LPP: variants seen among roughly 807,000 people sequenced by gnomAD.
LPP encodes LIM domain containing preferred translocation partner in lipoma, also known as lipoma-preferred partner.
LPP carries 38 observed loss-of-function variants against 60.4 expected under a neutral mutation model. The ratio of observed to expected loss-of-function variants is 0.63; its 90% CI spans 0.49 to 0.83. The LOEUF (loss-of-function observed/expected upper bound fraction) is 0.83. LPP is among the 40% of genes least tolerant of loss of function. LPP has a pLI of 0.00. For missense variants in LPP, 902 were observed against 783.6 expected (o/e 1.15, Z -1.80); for synonymous variants, 328 against 290.8 (o/e 1.13, Z -1.30).
intron 6 of LPP, among the ~76,000 whole-genome samples, chr3:188,525,339 C>T (rs796995309): frequency 2.0e-5 from 3 of 152,250 alleles, no homozygotes; most frequent in African/African-American, 7.2e-5. Context: ...ATGTATTAGT[C>T]AACTGGCAGA....
intron 3 of LPP, among the ~76,000 whole-genome samples, chr3:188,379,342 T>G (rs1286334264): frequency 6.6e-6 from 1 of 152,172 alleles, no homozygotes; most frequent in Non-Finnish European, 1.5e-5. Context: ...AATCAATTCT[T>G]ACAACTTTCG....
At chr3:188,256,772 AT>A (rs1731813061) in intron 2 of LPP, among the ~76,000 whole-genome samples, 1 of 152,212 alleles carries the variant, frequency 6.6e-6, no homozygotes, top group South Asian at 2.1e-4. Context: ...CTTACTATTG[AT>A]TTTAACATTC....
chr3:188,213,826 G>T (rs754508328), intron 1 of LPP, among the ~76,000 whole-genome samples: 4 of 152,054 alleles, frequency 2.6e-5, no homozygotes, highest in Non-Finnish European at 5.9e-5. Context: ...CCATGGAAGT[G>T]AAAATTATGC....
chr3:188,736,803 T>C (rs1262440013), intron 8 of LPP, among the ~76,000 whole-genome samples: 1 of 151,938 alleles, frequency 6.6e-6, no homozygotes, highest in Non-Finnish European at 1.5e-5. Flanking sequence ...TAAAGAAATA[T>C]ATATTTGAAC....
chr3:188,501,777 C>T (rs1457499974), intron 5 of LPP, among the ~76,000 whole-genome samples: 4 of 151,318 alleles, frequency 2.6e-5, no homozygotes, highest in South Asian at 2.1e-4. Flanking sequence ...ATTAGCCGGG[C>T]GTGGTGGTGG....
intron 9 of LPP, among the ~76,000 whole-genome samples, chr3:188,847,969 A>C (rs796792590): frequency 5.3e-5 from 8 of 152,212 alleles, no homozygotes; most frequent in Non-Finnish European, 1.2e-4. Flanking sequence ...CTGGGGAACC[A>C]AATTAAGGAG....
intron 8 of LPP, among the ~76,000 whole-genome samples, chr3:188,740,246 G>A (rs2150158887): frequency 6.6e-6 from 1 of 152,144 alleles, no homozygotes; most frequent in Non-Finnish European, 1.5e-5. Flanking sequence ...TGCCTAATGG[G>A]CTGTGAACTT....
chr3:188,527,636 T>C (rs558687665), intron 6 of LPP, among the ~76,000 whole-genome samples: 1 of 152,296 alleles, frequency 6.6e-6, no homozygotes, highest in East Asian at 1.9e-4. Flanking sequence ...GCAATTTTTT[T>C]TGATTCCACC....
chr3:188,870,828 GC>G (rs1392621073), intron 10 of LPP, among the ~76,000 whole-genome samples: 1 of 152,134 alleles, frequency 6.6e-6, no homozygotes, highest in Non-Finnish European at 1.5e-5. Context: ...TGGAAATGAG[GC>G]CAATTGGTAG....
chr3:188,818,234 C>CT (rs570926174), intron 9 of LPP, among the ~76,000 whole-genome samples: 1 of 152,060 alleles, frequency 6.6e-6, no homozygotes, highest in African/African-American at 2.4e-5. Flanking sequence ...ATTAATCCTC[C>CT]TTTTTTTCCC....
chr3:188,655,135 G>A (rs2149025653), intron 7 of LPP, among the ~76,000 whole-genome samples: 1 of 152,224 alleles, frequency 6.6e-6, no homozygotes, highest in Admixed American at 6.5e-5. Context: ...GTTTTGTTTT[G>A]CAATACAGGG....
chr3:188,446,211 A>C (rs1346706867), intron 4 of LPP, among the ~76,000 whole-genome samples: 2 of 152,192 alleles, frequency 1.3e-5, no homozygotes, highest in Non-Finnish European at 2.9e-5. Flanking sequence ...GGTGTTGTCC[A>C]TCATTTTAAG....
intron 4 of LPP, among the ~76,000 whole-genome samples, chr3:188,419,161 T>C (rs1050410156): frequency 1.3e-5 from 2 of 152,174 alleles, no homozygotes. Context: ...TTTCACTGTT[T>C]TATATCTTGA....
rs1189572029 is a variant in LPP at position 188,889,573 on chromosome 3, T to C, written c.*15094T>C. On this transcript the variant is annotated 3_prime_UTR_variant, in exon 12 of 12. Transcript: ENST00000617246. ...AAGGAAGCTCTTGGTGTCCTCTTGG[T>C]CATAAAGTTGTCTCCTACCTAACCC... 7.0e-5 allele frequency: 16 copies of C among 227,998 alleles called. No homozygotes were observed. The highest frequency in any genetic ancestry group is 1.7e-5 in the Non-Finnish European group (2 of 114,832). 14.1% of individuals were successfully genotyped at this position (227,998 alleles called of 1,614,324 possible).
rs1049644328 is a variant in LPP at position 188,876,300 on chromosome 3, T to C, written c.*1821T>C. The stretch of plus-strand genomic sequence containing the variant: ...TTGTGACTAGAAATTCTTAAGCCGA[T>C]GGTCACTATAGCTCATCCTTAATGT... On this transcript the variant is annotated 3_prime_UTR_variant, in exon 12 of 12. Transcript: ENST00000617246. 3.7e-5 allele frequency: 7 copies of C among 189,988 alleles called. No homozygotes were observed. Among genetic ancestry groups the C allele is most frequent in the African/African-American group, 1.6e-4 (7 of 42,920 alleles). 11.8% of individuals were successfully genotyped at this position (189,988 alleles called of 1,614,324 possible).
At chr3:188,213,368 G>C (rs901877542) in intron 1 of LPP, among the ~76,000 whole-genome samples, 1 of 152,220 alleles carries the variant, frequency 6.6e-6, no homozygotes, top group Non-Finnish European at 1.5e-5. Context: ...CACAGTGTGA[G>C]ATAATGGGCA....
At chr3:188,273,149 C>G (rs775331149) in intron 2 of LPP, among the ~76,000 whole-genome samples, 28 of 152,306 alleles carry the variant, frequency 1.8e-4, no homozygotes, top group Middle Eastern at 3.4e-3. Flanking sequence ...CTGCCCCCAC[C>G]ACCCACAGCC....
intron 10 of LPP, among the ~76,000 whole-genome samples, chr3:188,869,434 G>A (rs1019591161): frequency 2.6e-5 from 4 of 152,090 alleles, no homozygotes; most frequent in Non-Finnish European, 5.9e-5. Flanking sequence ...TGGATTACGG[G>A]CACCCACCAC....
chr3:188,374,237 C>G (rs1774235056), intron 3 of LPP, among the ~76,000 whole-genome samples: 1 of 151,998 alleles, frequency 6.6e-6, no homozygotes. Flanking sequence ...TTTTCCAATT[C>G]TGTGAAGAAA....
Sources: allele counts gnomAD v4.1 joint callset (sites outside exome capture counted in the v4.1 genomes callset), GRCh38; gene constraint gnomAD v4.1.1; transcripts MANE v1.5; gene names NCBI Gene and HGNC (gene_info 2026-07-23, HGNC 2026-07-21).